PHACTR1: variants seen among roughly 807,000 people sequenced by gnomAD.
PHACTR1 encodes phosphatase and actin regulator 1.
In PHACTR1, 16 loss-of-function variants were observed where a neutral mutation model predicts 69.2. That is an observed-to-expected ratio of 0.23 (90% CI 0.16 to 0.35). PHACTR1 has a LOEUF of 0.35. Among genes scored for constraint, PHACTR1 ranks in the 10% least tolerant of loss-of-function variants. The pLI is 1.00. For synonymous variants in PHACTR1, 312 were observed against 284.5 expected, an observed-to-expected ratio of 1.10 and a Z score of -0.97; for missense variants, 510 against 734.7, an observed-to-expected ratio of 0.69 and a Z score of 3.54.
intron 4 of PHACTR1, among the ~76,000 whole-genome samples, chr6:12,927,636 C>A (rs1173322638): frequency 1.3e-5 from 2 of 152,154 alleles, no homozygotes; most frequent in Non-Finnish European, 2.9e-5. Flanking sequence ...AGAATCTGGG[C>A]CCTTAAACAC....
intron 4 of PHACTR1, among the ~76,000 whole-genome samples, chr6:12,840,916 C>G (rs1582028974): frequency 6.6e-6 from 1 of 152,260 alleles, no homozygotes; most frequent in Admixed American, 6.5e-5. Flanking sequence ...ACAGACTCAG[C>G]AATTGAGTTG....
intron 4 of PHACTR1, among the ~76,000 whole-genome samples, chr6:12,901,084 T>A (rs547139682): frequency 1.1e-4 from 16 of 152,294 alleles, no homozygotes; most frequent in Admixed American, 4.6e-4. Flanking sequence ...ATTCCAGGCA[T>A]GTTCTTTCAC....
rs869096915 is a variant in PHACTR1, at chr6:12,777,625, CTTTTTTTTTTTT to C, written c.250+27848_250+27859del. ...TGTATATATACCACCCTTTCTTCTT[CTTTTTTTTTTTT>C]TTTTTTTTTTTTGAGACAGAGTCTT... On this transcript the variant is annotated intron_variant, in intron 4 of 14. Transcript: ENST00000332995. Among the ~76,000 whole-genome samples the C allele has an allele frequency of 1.7e-4, 17 of 99,010 alleles. No individual in the cohort carries two copies. The East Asian group carries it at 6.1e-3, about 35-fold the overall frequency. 65.0% of individuals were successfully genotyped at this position (99,010 alleles called of 152,430 possible).
At position 13,084,455 on chromosome 6, in the gene PHACTR1, C is replaced by G. The variant is rs7762659; in HGVS notation, c.415+30926C>G. ...CAGTTAATGGGTGCAGCATACCAAC[C>G]TGGCACATGTATACCTATGTAACAA... On this transcript the variant is annotated intron_variant, in intron 5 of 14. Transcript: ENST00000332995. 3.4e-3 allele frequency among the ~76,000 whole-genome samples: 513 copies of G among 150,794 alleles called. 5 individuals are homozygous for G. The highest frequency in any genetic ancestry group is 0.012 in the African/African-American group (488 of 40,966).
chr6:12,867,819 A>AGAAGAAT (rs113808496), intron 4 of PHACTR1, among the ~76,000 whole-genome samples: 5 of 151,904 alleles, frequency 3.3e-5, no homozygotes, highest in African/African-American at 4.8e-5. Context: ...CTAGATTACC[A>AGAAGAAT]GAAGCAAGGG....
chr6:12,835,687 A>G (rs1395397284), intron 4 of PHACTR1, among the ~76,000 whole-genome samples: 1 of 152,156 alleles, frequency 6.6e-6, no homozygotes, highest in Non-Finnish European at 1.5e-5. Context: ...GCAATAGTTT[A>G]TTCTTCACCA....
At position 13,183,503 on chromosome 6, in the gene PHACTR1, G is replaced by A. The variant is rs1762448660; in HGVS notation, c.664+817G>A. ...CCCATGCTTCGTTATGGGACCCGGT[G>A]AGTCATTGCTCCATCACTGTGTGCC... On this transcript the variant is annotated intron_variant, in intron 7 of 14. Coordinates refer to ENST00000332995, the MANE Select transcript of PHACTR1 (RefSeq NM_030948.6). Among the ~76,000 whole-genome samples the A allele has an allele frequency of 2.0e-5, 3 of 152,304 alleles. 1 individual carries two copies. The South Asian group carries it at 6.2e-4, about 32-fold the overall frequency.
intron 4 of PHACTR1, among the ~76,000 whole-genome samples, chr6:12,932,306 GA>G (rs1788953745): frequency 6.6e-6 from 1 of 151,682 alleles, no homozygotes; most frequent in South Asian, 2.1e-4. Context: ...AAGGAATTTG[GA>G]AAAAAAATTT....
chr6:12,796,310 G>C (rs1561890320), intron 4 of PHACTR1, among the ~76,000 whole-genome samples: 1 of 152,134 alleles, frequency 6.6e-6, no homozygotes, highest in Non-Finnish European at 1.5e-5. Context: ...TTCTCCCAGG[G>C]CATGCTACTT....
chr6:13,127,932 C>A (rs1177240112), intron 5 of PHACTR1, among the ~76,000 whole-genome samples: 2 of 151,918 alleles, frequency 1.3e-5, no homozygotes, highest in African/African-American at 4.8e-5. Context: ...TTCTGCATGG[C>A]TAGGGAGGCC....
rs557357504 is a variant in PHACTR1 at position 13,005,862 on chromosome 6, C to A, written c.251-47503C>A. 1.5e-3 allele frequency among the ~76,000 whole-genome samples: 231 copies of A among 152,254 alleles called. 1 individual carries two copies. The highest frequency in any genetic ancestry group is 6.8e-3 in the Middle Eastern group (2 of 294). On this transcript the variant is annotated intron_variant, in intron 4 of 14. Transcript: ENST00000332995. ...CCTACAACTCCCTGCCCCACCCCACCCCCCACAATTATGTTGCATGTGTAA... is the reference window on the plus strand; with the variant it reads ...CCTACAACTCCCTGCCCCACCCCACACCCCACAATTATGTTGCATGTGTAA...
chr6:12,732,301 C>T (rs1228063016), intron 3 of PHACTR1, among the ~76,000 whole-genome samples: 1 of 100,968 alleles, frequency 9.9e-6, no homozygotes. Context: ...CACATGGGCA[C>T]ACACAGATTT....
intron 5 of PHACTR1, among the ~76,000 whole-genome samples, chr6:13,129,696 A>T (rs1473385602): frequency 6.6e-6 from 1 of 152,188 alleles, no homozygotes; most frequent in African/African-American, 2.4e-5. Context: ...AGACAGCAAC[A>T]CAATAATAGT....
chr6:13,164,590 G>T (rs1583667504), intron 6 of PHACTR1, among the ~76,000 whole-genome samples: 2 of 152,296 alleles, frequency 1.3e-5, no homozygotes, highest in African/African-American at 4.8e-5. Context: ...CTACTAATGT[G>T]GTGGAAGATA....
chr6:12,808,212 TATACAACGAG>T (rs1774576849), intron 4 of PHACTR1, among the ~76,000 whole-genome samples: 1 of 152,250 alleles, frequency 6.6e-6, no homozygotes, highest in South Asian at 2.1e-4. Context: ...ATTACTAATC[TATACAACGAG>T]ATTCTTTATC....
intron 4 of PHACTR1, among the ~76,000 whole-genome samples, chr6:12,824,628 G>A (rs918889700): frequency 6.6e-6 from 1 of 152,198 alleles, no homozygotes; most frequent in African/African-American, 2.4e-5. Context: ...GTGAAGAAAG[G>A]CATGGAGGCT....
intron 12 of PHACTR1, chr6:13,281,483 G>A (rs1314527993): frequency 1.2e-5 from 4 of 333,162 alleles, no homozygotes; most frequent in African/African-American, 4.4e-5. Context: ...GCACCCAAGA[G>A]GCGGAGGTTG....
chr6:12,973,916 ATTTTTTTTTTT>A (rs33948457), intron 4 of PHACTR1, among the ~76,000 whole-genome samples: 3 of 92,866 alleles, frequency 3.2e-5, no homozygotes, highest in Non-Finnish European at 6.0e-5. Flanking sequence ...AGAGGCTGGG[ATTTTTTTTTTT>A]TTTTTTTTTT....
At chr6:12,733,854 G>A (rs1397082587) in intron 3 of PHACTR1, among the ~76,000 whole-genome samples, 1 of 152,172 alleles carries the variant, frequency 6.6e-6, no homozygotes. Flanking sequence ...AATCAGCCAC[G>A]TGGAAGATAT....
Sources: gnomAD v4.1 joint callset for allele counts (sites outside exome capture counted in the v4.1 genomes callset) on GRCh38, gnomAD v4.1.1 for gene constraint, MANE v1.5 for transcripts, NCBI Gene and HGNC (gene_info 2026-07-23, HGNC 2026-07-21) for gene names.